Variants in DNAH11 observed in about 807,000 individuals in gnomAD.
The protein encoded by DNAH11 is dynein axonemal heavy chain 11.
Under a neutral mutation model 526.0 loss-of-function variants are expected in DNAH11, and 442 were observed. That is an observed-to-expected ratio of 0.84 (90% confidence interval 0.78 to 0.91). DNAH11 has a LOEUF of 0.91. Ranked by LOEUF, DNAH11 falls within the 40% of genes least tolerant of loss-of-function variation. DNAH11 has a pLI of 0.00. For missense variants in DNAH11, 6,989 were observed against 5,448.7 expected, an observed-to-expected ratio of 1.28 and a Z score of -8.90; for synonymous variants, 2,461 against 1,935.9, an observed-to-expected ratio of 1.27 and a Z score of -7.12.
intron 40 of DNAH11, among the ~76,000 whole-genome samples, chr7:21,709,689 C>A (rs753351906): frequency 6.6e-6 from 1 of 152,110 alleles, no homozygotes; most frequent in Non-Finnish European, 1.5e-5. Context: ...ACTGTCTCAG[C>A]CTAGCTTCTG....
intron 6 of DNAH11, among the ~76,000 whole-genome samples, chr7:21,568,666 C>G (rs1583488512): frequency 6.6e-6 from 1 of 152,108 alleles, no homozygotes; most frequent in South Asian, 2.1e-4. Context: ...ATGCGAGGGG[C>G]CAGCCAGGAA....
chr7:21,859,505 C>A (rs1191698455), intron 68 of DNAH11, among the ~76,000 whole-genome samples: 12 of 152,188 alleles, frequency 7.9e-5, no homozygotes, highest in African/African-American at 2.9e-4. Flanking sequence ...AATCCAAAAT[C>A]TGAAACACTT....
intron 46 of DNAH11, among the ~76,000 whole-genome samples, chr7:21,737,537 G>T (rs1362455481): frequency 6.6e-6 from 1 of 152,226 alleles, no homozygotes; most frequent in Non-Finnish European, 1.5e-5. Flanking sequence ...TTTGAGAAGA[G>T]AGATCTGAGT....
In DNAH11 at chr7:21,744,909, T is replaced by A. The variant is rs1786075667; in HGVS notation, c.8356T>A (p.Tyr2786Asn). The part of the protein sequence containing the change: ...SHMLLQQPLI[Y>N]CHFADRGKDP... Reference sequence around the variant, plus strand: ...CATGCTGCTTCAACAGCCCCTCATTTATTGCCACTTTGCTGATAGAGGGAA... The same window carrying A: ...CATGCTGCTTCAACAGCCCCTCATTAATTGCCACTTTGCTGATAGAGGGAA... The change falls in exon 51 of 82, where the codon TAT (tyrosine) becomes AAT (asparagine). Residue 2786 changes from tyrosine (Y) to asparagine (N), a missense_variant. Physicochemically the swap from Tyr to Asn is moderately radical, Grantham distance 143. Transcript: ENST00000409508. 1 of 1,611,118 alleles carries A rather than the reference T, an allele frequency of 6.2e-7. No individual in the cohort carries two copies. Among genetic ancestry groups the A allele is most frequent in the Non-Finnish European group, 8.5e-7 (1 of 1,178,722 alleles).
At chr7:21,671,655 T>C (rs1284710168) in intron 30 of DNAH11, among the ~76,000 whole-genome samples, 1 of 152,194 alleles carries the variant, frequency 6.6e-6, no homozygotes, top group African/African-American at 2.4e-5. Context: ...ATTTCACTTA[T>C]CTCTGCCCTT....
intron 65 of DNAH11, among the ~76,000 whole-genome samples, chr7:21,834,442 C>T (rs915902805): frequency 6.6e-6 from 1 of 151,862 alleles, no homozygotes; most frequent in Non-Finnish European, 1.5e-5. Flanking sequence ...AAGACAAGAA[C>T]AAACTAAACC....
At chr7:21,761,457 A>G (rs1786903943) in intron 54 of DNAH11, among the ~76,000 whole-genome samples, 2 of 152,312 alleles carry the variant, frequency 1.3e-5, no homozygotes, top group South Asian at 4.1e-4. Flanking sequence ...TTCTACGCGT[A>G]TTTAACAAAC....
chr7:21,615,883 A>G (rs978825573), intron 21 of DNAH11, among the ~76,000 whole-genome samples: 1 of 152,218 alleles, frequency 6.6e-6, no homozygotes. Flanking sequence ...AGTTACATGT[A>G]GAATTATAAA....
intron 9 of DNAH11, among the ~76,000 whole-genome samples, chr7:21,585,790 A>G (rs1411813476): frequency 1.3e-5 from 2 of 152,196 alleles, no homozygotes; most frequent in African/African-American, 2.4e-5. Context: ...AACAATGGCA[A>G]TGGTGTTATG....
rs1240719613 is a variant in DNAH11 at position 21,725,890 on chromosome 7, T to G, written c.7346T>G (p.Ile2449Ser). Residue 2449 changes from isoleucine (I) to serine (S), a missense_variant, in exon 45 of 82, where the codon ATC becomes AGC. Ile to Ser is a moderately radical substitution (Grantham distance 142). Coordinates refer to ENST00000409508, the MANE Select transcript of DNAH11 (RefSeq NM_001277115.2). ...KAVKFPSQGT[I>S]FDYYVDHKTK... ...GTGAAATTTCCGTCGCAGGGAACAA[T>G]CTTTGATTATTATGTGGACCACAAA... 2.5e-6 allele frequency: 4 copies of G among 1,604,130 alleles called. No individual in the cohort carries two copies. The highest frequency in any genetic ancestry group is 3.4e-6 in the Non-Finnish European group (4 of 1,174,944).
chr7:21,744,742 C>A, intron 50 of DNAH11, 128 bp from the exon 51 acceptor site: 1 of 1,429,912 alleles, frequency 7.0e-7, no homozygotes, highest in Non-Finnish European at 9.4e-7. Flanking sequence ...TTGGTCTATG[C>A]TTGGGAACAT....
chr7:21,748,411 T>C (rs1454342133), intron 51 of DNAH11, among the ~76,000 whole-genome samples, 169 bp from the exon 52 acceptor site: 2 of 151,976 alleles, frequency 1.3e-5, no homozygotes, highest in African/African-American at 4.8e-5. Context: ...TGAATCTGAA[T>C]CCGGGAGGCG....
In DNAH11 at chr7:21,900,039, G is replaced by A. The variant is rs1784700483; in HGVS notation, c.13222G>A (p.Ala4408Thr). The change falls in exon 81 of 82, where the codon GCT becomes ACT. Residue 4408 changes from alanine to threonine, a missense_variant. Transcript: ENST00000409508. ...GCCCCTGGATAAAACGCGCTTGACT[G>A]CTGATGTTACCAAAAAAACAAAGGA... ...EWPLDKTRLT[A>T]DVTKKTKEDY... 1.9e-6 allele frequency: 3 copies of A among 1,613,946 alleles called. No homozygotes were observed. Among genetic ancestry groups the A allele is most frequent in the East Asian group, 2.2e-5 (1 of 44,872 alleles).
chr7:21,852,776 G>A, intron 67 of DNAH11, 145 bp downstream of exon 67: 2 of 761,844 alleles, frequency 2.6e-6, no homozygotes, highest in Non-Finnish European at 3.8e-6. Flanking sequence ...CAGTTGGACT[G>A]TGTGGGATTG....
chr7:21,745,018 A>C lies in DNAH11; in HGVS notation c.8465A>C (p.Asn2822Thr), dbSNP rs1236453383. ...ACGTTAGACAACTACAATGAACTAA[A>C]TGCTGCCATGCACCTAGTTTTGTTT... ...TETLDNYNEL[N>T]AAMHLVLFED... The change falls in exon 51 of 82, where the codon AAT (asparagine) becomes ACT (threonine). Residue 2822 changes from asparagine (N) to threonine (T), a missense_variant. Transcript: ENST00000409508. 1.2e-6 allele frequency: 2 copies of C among 1,610,100 alleles called. No homozygotes were observed. The highest frequency in any genetic ancestry group is 2.7e-5 in the African/African-American group (2 of 75,042).
At position 21,679,356 on chromosome 7, in the gene DNAH11, C is replaced by G. The variant is rs1244496093; in HGVS notation, c.5329-2190C>G. On this transcript the variant is annotated intron_variant, in intron 30 of 81. Coordinates refer to ENST00000409508, the MANE Select transcript of DNAH11 (RefSeq NM_001277115.2). ...ATAATTAATAATAACGTAGTGTATA[C>G]TTGAAATTTGCTAAGAGAGTAAATA... Among the ~76,000 whole-genome samples, 4 of 152,102 alleles carry G rather than the reference C, an allele frequency of 2.6e-5. No homozygotes were observed. The East Asian group carries it at 7.7e-4, about 29-fold the overall frequency.
chr7:21,624,147 TAGC>T (rs1243420763), intron 25 of DNAH11, among the ~76,000 whole-genome samples: 2 of 152,104 alleles, frequency 1.3e-5, no homozygotes, highest in Admixed American at 6.6e-5. Flanking sequence ...GGTAGTACAA[TAGC>T]AGGTAGTGTG....
chr7:21,614,708 T>C (rs1427645974), intron 20 of DNAH11, among the ~76,000 whole-genome samples: 3 of 152,250 alleles, frequency 2.0e-5, no homozygotes, highest in African/African-American at 7.2e-5. Context: ...TTTTTAAATC[T>C]GAAAGTTTTA....
chr7:21,867,027 G>C (rs1003149206), intron 71 of DNAH11, among the ~76,000 whole-genome samples: 4 of 152,172 alleles, frequency 2.6e-5, no homozygotes, highest in African/African-American at 9.7e-5. Context: ...TGGCATTTTG[G>C]TTCTGAAGAT....
Sources: allele counts gnomAD v4.1 joint callset (sites outside exome capture counted in the v4.1 genomes callset), GRCh38; gene constraint gnomAD v4.1.1; transcripts MANE v1.5; gene names NCBI Gene and HGNC (gene_info 2026-07-23, HGNC 2026-07-21).